NMNAT3: variants seen among roughly 807,000 people sequenced by gnomAD.
NMNAT3 encodes the protein nicotinamide/nicotinic acid mononucleotide adenylyltransferase 3.
In NMNAT3, 21 loss-of-function variants were observed where a neutral mutation model predicts 24.8. The ratio of observed to expected loss-of-function variants is 0.85; its 90% confidence interval spans 0.60 to 1.22. The LOEUF (loss-of-function observed/expected upper bound fraction) is 1.22. Ranked by LOEUF, NMNAT3 falls within the 50% of genes most tolerant of loss-of-function variation. The pLI, the probability that NMNAT3 is intolerant of heterozygous loss-of-function variation, is 0.00. For missense variants in NMNAT3, 387 were observed against 436.6 expected (o/e 0.89, Z 1.01); for synonymous variants, 136 against 155.2 (o/e 0.88, Z 0.92).
At chr3:139,569,147 A>C (rs1937643012) in intron 6 of NMNAT3, 2 of 144,830 alleles carry the variant, frequency 1.4e-5, no homozygotes, top group African/African-American at 5.1e-5. Flanking sequence ...CTGTTTTATC[A>C]GAGACTAGGA....
At chr3:139,591,120 C>T (rs1018591007) in intron 3 of NMNAT3, among the ~76,000 whole-genome samples, 2 of 150,846 alleles carry the variant, frequency 1.3e-5, no homozygotes, top group African/African-American at 2.4e-5. Context: ...GCGCACCGTG[C>T]GCGAGCCGAA....
At chr3:139,593,134 G>A (rs1249792721) in intron 3 of NMNAT3, among the ~76,000 whole-genome samples, 7 of 151,998 alleles carry the variant, frequency 4.6e-5, no homozygotes, top group Admixed American at 3.9e-4. Context: ...GATCTACCAA[G>A]CAAATGGAAA....
intron 3 of NMNAT3, among the ~76,000 whole-genome samples, chr3:139,627,314 A>G (rs983044774): frequency 6.6e-5 from 10 of 152,140 alleles, no homozygotes; most frequent in African/African-American, 2.4e-4. Context: ...TGGGAGTACC[A>G]GGAAGGATGC....
chr3:139,619,105 G>A (rs774754827), intron 3 of NMNAT3, among the ~76,000 whole-genome samples: 10 of 152,222 alleles, frequency 6.6e-5, no homozygotes, highest in East Asian at 3.9e-4. Flanking sequence ...TGCACCTAGC[G>A]CCACAATCAC....
chr3:139,659,125 G>T (rs2057336645), intron 1 of NMNAT3, among the ~76,000 whole-genome samples: 1 of 152,190 alleles, frequency 6.6e-6, no homozygotes. Flanking sequence ...TTGCTGAATG[G>T]TGTTCCATTA....
chr3:139,653,762 G>A (rs1389774572), intron 1 of NMNAT3, among the ~76,000 whole-genome samples: 1 of 152,190 alleles, frequency 6.6e-6, no homozygotes, highest in Non-Finnish European at 1.5e-5. Flanking sequence ...GCAAACCGTA[G>A]CTGCCTAGAC....
chr3:139,638,251 G>A (rs3816969), intron 1 of NMNAT3, among the ~76,000 whole-genome samples, 189 bp from the exon 2 acceptor site: 73,536 of 151,932 alleles, frequency 0.48, 18,224 homozygotes, highest in East Asian at 0.69. Context: ...AACCCCATAA[G>A]TTGTATCTGC....
intron 6 of NMNAT3, 90 bp downstream of exon 6, chr3:139,573,508 C>A: frequency 1.6e-6 from 1 of 606,126 alleles, no homozygotes. Flanking sequence ...GGACTCAAGT[C>A]CTCTGCAGCT....
intron 1 of NMNAT3, among the ~76,000 whole-genome samples, chr3:139,661,324 T>C (rs180845792): frequency 7.9e-5 from 12 of 152,262 alleles, no homozygotes; most frequent in African/African-American, 2.4e-4. Context: ...AGTACATCCT[T>C]GTACTCAGTG....
intron 1 of NMNAT3, among the ~76,000 whole-genome samples, chr3:139,642,960 A>G (rs2056755376): frequency 6.6e-6 from 1 of 152,040 alleles, no homozygotes; most frequent in South Asian, 2.1e-4. Context: ...TGTCTATTAA[A>G]TTTTGCCCCC....
intron 6 of NMNAT3, chr3:139,571,121 A>T (rs919828471): frequency 6.6e-6 from 1 of 151,948 alleles, no homozygotes; most frequent in Non-Finnish European, 1.5e-5. Flanking sequence ...AATGAGCAAG[A>T]CTCTGTGGGT....
In NMNAT3 at chr3:139,579,054, T is replaced by A. The variant is rs762693441; in HGVS notation, c.393A>T (p.Gly131=). 4.3e-6 allele frequency: 7 copies of A among 1,612,868 alleles called. No homozygotes were observed. The South Asian group carries it at 7.7e-5, about 18-fold the overall frequency. ...TGATACCCTGGATGACCTGGTACATTCCTAGGTAAGAGAGAGCAGTGGTGT... is the reference window on the plus strand; with the variant it reads ...TGATACCCTGGATGACCTGGTACATACCTAGGTAAGAGAGAGCAGTGGTGT... Residue 131 remains glycine, a splice_region_variant and synonymous_variant, in exon 5 of 7, where the codon GGA becomes GGT. Coordinates refer to ENST00000643695, the MANE Select transcript of NMNAT3 (RefSeq NM_001320510.2).
At chr3:139,604,630 G>T (rs998568460) in intron 3 of NMNAT3, among the ~76,000 whole-genome samples, 1 of 152,120 alleles carries the variant, frequency 6.6e-6, no homozygotes, top group Admixed American at 6.6e-5. Flanking sequence ...CTAAACCCAG[G>T]TAGTCTGGTT....
chr3:139,633,263 C>T (rs2056373125), intron 2 of NMNAT3, among the ~76,000 whole-genome samples: 1 of 152,040 alleles, frequency 6.6e-6, no homozygotes, highest in Non-Finnish European at 1.5e-5. Flanking sequence ...TCACCGCAGC[C>T]TCTGCCTCCC....
intron 3 of NMNAT3, among the ~76,000 whole-genome samples, chr3:139,595,360 C>T (rs944043107): frequency 1.3e-5 from 2 of 152,162 alleles, no homozygotes; most frequent in African/African-American, 4.8e-5. Context: ...TAGGAAGAAT[C>T]AATATCGCGA....
chr3:139,617,593 T>C lies in NMNAT3; in HGVS notation c.109+10023A>G, dbSNP rs139570819. 5.8e-4 allele frequency among the ~76,000 whole-genome samples: 88 copies of C among 152,314 alleles called. No homozygotes were observed. The East Asian group carries it at 6.0e-3, about 10-fold the overall frequency. On this transcript the variant is annotated intron_variant, in intron 3 of 6. Coordinates refer to ENST00000643695, the MANE Select transcript of NMNAT3 (RefSeq NM_001320510.2). The stretch of plus-strand genomic sequence containing the variant: ...AAGGATGACATAAGTGTTTGTTAAA[T>C]ACAGAAAATAAACAAGTGCTAAATA...
At chr3:139,674,675 C>T (rs1001689691) in intron 1 of NMNAT3, among the ~76,000 whole-genome samples, 13 of 152,142 alleles carry the variant, frequency 8.5e-5, no homozygotes, top group Admixed American at 7.9e-4. Context: ...AAGTTGATTT[C>T]ATTTCACACA....
intron 3 of NMNAT3, among the ~76,000 whole-genome samples, chr3:139,618,986 C>A (rs2055637557): frequency 6.6e-6 from 1 of 152,166 alleles, no homozygotes. Flanking sequence ...TCCTCCACTG[C>A]CGGGTTTTAC....
intron 4 of NMNAT3, among the ~76,000 whole-genome samples, chr3:139,580,489 A>G (rs547880873): frequency 3.3e-5 from 5 of 152,228 alleles, no homozygotes; most frequent in African/African-American, 1.2e-4. Context: ...GCTAGAGTTT[A>G]ATTTGTGTTG....
Sources: allele counts gnomAD v4.1 joint callset (sites outside exome capture counted in the v4.1 genomes callset), GRCh38; gene constraint gnomAD v4.1.1; transcripts MANE v1.5; gene names NCBI Gene and HGNC (gene_info 2026-07-23, HGNC 2026-07-21).